Variants in MCF2L observed in about 807,000 individuals in gnomAD.
The protein encoded by MCF2L is MCF.2 cell line derived transforming sequence like, also known as guanine nucleotide exchange factor DBS.
In MCF2L, 97 loss-of-function variants were observed where a neutral mutation model predicts 153.4. That is an observed-to-expected ratio of 0.63 (90% confidence interval 0.54 to 0.75). The LOEUF (loss-of-function observed/expected upper bound fraction) is 0.75, where lower values mean the gene tolerates loss of function less well. Among genes scored for constraint, MCF2L ranks in the 30% least tolerant of loss-of-function variants. MCF2L has a pLI of 0.00. For missense variants in MCF2L, 1,347 were observed against 1,495.2 expected (o/e 0.90, Z 1.64); for synonymous variants, 659 against 632.2 (o/e 1.04, Z -0.64).
upstream of MCF2L, chr13:112,968,422 G>A (rs766446963): frequency 2.5e-6 from 4 of 1,572,940 alleles, no homozygotes; most frequent in Admixed American, 7.0e-5. Flanking sequence ...TGGCAGCCAG[G>A]ACGCTGCGTG....
intron 2 of MCF2L, among the ~76,000 whole-genome samples, chr13:113,020,836 T>G (rs9549342): frequency 0.37 from 55,579 of 152,042 alleles, 11,391 homozygotes; most frequent in South Asian, 0.58. Flanking sequence ...AATGTGTAGC[T>G]ATGTATGTTT....
At chr13:113,024,590 A>AC in intron 2 of MCF2L, 54 bp from the exon 3 acceptor site, 1 of 1,179,184 alleles carries the variant, frequency 8.5e-7, no homozygotes, top group Non-Finnish European at 1.3e-6. Flanking sequence ...CATCTGTGGA[A>AC]CCCCCGGGGG....
In MCF2L at chr13:112,983,679, C is replaced by T. The variant is rs1447371502; in HGVS notation, c.79+14221C>T. On this transcript the variant is annotated intron_variant, in intron 1 of 29. Transcript: ENST00000535094. This position sits in a 1 kb window ranked among gnomAD's most constrained non-coding sequence, Gnocchi z 4.0. The stretch of plus-strand genomic sequence containing the variant: ...TGCCCTTGGTCATCAGGATGTGAGG[C>T]GGTGACGGACACTTCAGTGCTCTGA... 6.6e-5 allele frequency among the ~76,000 whole-genome samples: 10 copies of T among 152,306 alleles called. No individual in the cohort carries two copies. Among genetic ancestry groups the T allele is most frequent in the Non-Finnish European group, 8.8e-5 (6 of 68,028 alleles).
intron 26 of MCF2L, chr13:113,094,272 C>T (rs2035463300): frequency 6.7e-6 from 2 of 297,708 alleles, no homozygotes; most frequent in East Asian, 1.3e-4. Flanking sequence ...ATCGAGGTCT[C>T]CCACAGGGTG....
Position 113,064,864 on chromosome 13 carries a change from T to C in MCF2L, c.607-72T>C. The C allele has an allele frequency of 1.3e-6, 2 of 1,532,370 alleles. No individual in the cohort carries two copies. Among genetic ancestry groups the C allele is most frequent in the Non-Finnish European group, 1.8e-6 (2 of 1,128,758 alleles). The allele number at this position is 1,532,370 out of a possible 1,614,324, so 94.9% of individuals were successfully genotyped here. On this transcript the variant is annotated intron_variant, in intron 6 of 29. Coordinates refer to ENST00000535094, the MANE Select transcript of MCF2L (RefSeq NM_001112732.3). This position sits in a 1 kb window ranked among gnomAD's most constrained non-coding sequence, Gnocchi z 6.0. ...TCTGTGTGGGAACGGTTTCCGCCGG[T>C]GTCTGCTTTCAGGGCAGCAGGAGGT...
intron 26 of MCF2L, chr13:113,090,150 AG>A (rs2035064473): frequency 1.3e-6 from 2 of 1,536,872 alleles, no homozygotes; most frequent in African/African-American, 2.7e-5. Context: ...CTAACCTCAA[AG>A]GTCAGAAAGG....
At position 112,993,329 on chromosome 13, in the gene MCF2L, G is replaced by A. The variant is rs1222948791; in HGVS notation, c.80-21434G>A. Among the ~76,000 whole-genome samples the A allele has an allele frequency of 2.6e-5, 4 of 152,234 alleles. No individual in the cohort carries two copies. The highest frequency in any genetic ancestry group is 4.8e-5 in the African/African-American group (2 of 41,462). On this transcript the variant is annotated intron_variant, in intron 1 of 29. Transcript: ENST00000535094. This position sits in a 1 kb window ranked among gnomAD's most constrained non-coding sequence, Gnocchi z 4.6. ...AGAGGCTTGGTGGGCAGTAGGGGCC[G>A]ACCTGAGGGCTCTGGGGTCAACACC...
At chr13:112,986,771 G>C (rs902716803) in intron 1 of MCF2L, among the ~76,000 whole-genome samples, 1 of 152,216 alleles carries the variant, frequency 6.6e-6, no homozygotes, top group Non-Finnish European at 1.5e-5. Context: ...TCCTGCAGCC[G>C]GGTCTGCACT....
rs1184240034 is a variant in MCF2L at position 112,977,788 on chromosome 13, C to G, written c.79+8330C>G. ...GAATACAAAGCCTGTCTGCGTCTGTCCTTGTGGATGAAACCAACATTTAGG... is the reference window on the plus strand; with the variant it reads ...GAATACAAAGCCTGTCTGCGTCTGTGCTTGTGGATGAAACCAACATTTAGG... On this transcript the variant is annotated intron_variant, in intron 1 of 29. Coordinates refer to ENST00000535094, the MANE Select transcript of MCF2L (RefSeq NM_001112732.3). Among the ~76,000 whole-genome samples, 4 of 152,320 alleles carry G rather than the reference C, an allele frequency of 2.6e-5. No homozygotes were observed. The East Asian group carries it at 7.7e-4, about 29-fold the overall frequency.
intron 2 of MCF2L, among the ~76,000 whole-genome samples, chr13:112,944,420 G>C (rs1296166815): frequency 6.6e-6 from 1 of 152,078 alleles, no homozygotes. Flanking sequence ...ATCTGGCCTG[G>C]GTGAACACCT....
At position 113,045,318 on chromosome 13, in the gene MCF2L, G is replaced by A. The variant is rs768259190; in HGVS notation, c.326G>A (p.Arg109Gln). ...TTCATCCTGGTGATAGACCGGCGAC[G>A]GGACAAATGGACCTCCGTGAAGGCG... ...IGFILVIDRR[R>Q]DKWTSVKASV... Residue 109 changes from arginine (R) to glutamine (Q), a missense_variant, in exon 4 of 30, where the codon CGG (arginine) becomes CAG (glutamine). By Grantham distance (43) the Arg-to-Gln change is conservative. This residue lies in a region of MCF2L where 820 missense variants were observed against 921.2 expected (regional missense o/e 0.89). Coordinates refer to ENST00000535094, the MANE Select transcript of MCF2L (RefSeq NM_001112732.3). The surrounding 1 kb of genome is among the most constrained non-coding windows in gnomAD (Gnocchi z 4.2). The A allele has an allele frequency of 3.1e-5, 50 of 1,614,066 alleles. No homozygotes were observed. The highest frequency in any genetic ancestry group is 1.8e-4 in the East Asian group (8 of 44,890).
At chr13:112,903,669 G>A (rs899946568) in intron 2 of MCF2L, among the ~76,000 whole-genome samples, 15 of 152,130 alleles carry the variant, frequency 9.9e-5, no homozygotes, top group Middle Eastern at 3.2e-3. Context: ...TTAGTTCTGC[G>A]GGATTAAGAA....
intron 1 of MCF2L, among the ~76,000 whole-genome samples, chr13:112,896,418 G>C (rs2081068299): frequency 6.6e-6 from 1 of 152,074 alleles, no homozygotes; most frequent in African/African-American, 2.4e-5. Flanking sequence ...ATTTTGGAAA[G>C]GCAGCCTCTT....
At chr13:113,090,959 C>G in intron 26 of MCF2L, 1 of 1,212,612 alleles carries the variant, frequency 8.2e-7, no homozygotes, top group Non-Finnish European at 1.1e-6. Context: ...GGCCCCTCGG[C>G]TCCCTGTGTT....
rs1231850454 is a variant in MCF2L at position 113,089,591 on chromosome 13, A to T, written c.2835-19A>T. On this transcript the variant is annotated intron_variant, in intron 25 of 29. Coordinates refer to ENST00000535094, the MANE Select transcript of MCF2L (RefSeq NM_001112732.3). The stretch of plus-strand genomic sequence containing the variant: ...CAGGCAACACACTATTTCCTTTTTG[A>T]TTTGTCTGATGTCATCAGTCCCTCA... 9 of 1,533,006 alleles carry T rather than the reference A, an allele frequency of 5.9e-6. No individual in the cohort carries two copies. Among genetic ancestry groups the T allele is most frequent in the Middle Eastern group, 1.7e-4 (1 of 5,888 alleles). 95.0% of individuals were successfully genotyped at this position (1,533,006 alleles called of 1,614,324 possible). A position where few individuals can be genotyped will look rare whatever the true frequency, so the allele number is the denominator to read the frequency against.
chr13:112,962,783 G>T, intron 2 of MCF2L, among the ~76,000 whole-genome samples: 1 of 152,284 alleles, frequency 6.6e-6, no homozygotes, highest in East Asian at 1.9e-4. Flanking sequence ...GTGTGCACCG[G>T]CTCTGCCCCT....
At chr13:113,073,720 A>C (rs2033146540) in intron 9 of MCF2L, among the ~76,000 whole-genome samples, 1 of 152,096 alleles carries the variant, frequency 6.6e-6, no homozygotes, top group Non-Finnish European at 1.5e-5. Flanking sequence ...TTCAAGACCA[A>C]CCTGGCCAAC....
intron 4 of MCF2L, among the ~76,000 whole-genome samples, chr13:113,051,464 G>C (rs1447439193): frequency 6.6e-6 from 1 of 152,172 alleles, no homozygotes; most frequent in South Asian, 2.1e-4. Flanking sequence ...CCGAGGGTTC[G>C]CTCCTCCCAC....
At chr13:113,025,819 T>A (rs896324156) in intron 3 of MCF2L, among the ~76,000 whole-genome samples, 59 of 123,650 alleles carry the variant, frequency 4.8e-4, no homozygotes, top group African/African-American at 9.8e-4. Flanking sequence ...TGACTGTGGG[T>A]CGGGGCAGAG....
Sources: gnomAD v4.1 joint callset for allele counts (sites outside exome capture counted in the v4.1 genomes callset) on GRCh38, gnomAD v4.1.1 for gene constraint, gnomAD v4.1.1 regional missense constraint, Gnocchi (gnomAD v3.1) non-coding constraint, MANE v1.5 for transcripts, NCBI Gene and HGNC (gene_info 2026-07-23, HGNC 2026-07-21) for gene names.